The following DCT variants were observed in gnomAD, a reference collection of about 807,000 sequenced individuals.
DCT encodes dopachrome tautomerase.
DCT carries 47 observed loss-of-function variants against 53.0 expected under a neutral mutation model. The observed-to-expected ratio is 0.89, with a 90% confidence interval of 0.70 to 1.13. DCT has a LOEUF of 1.13. DCT is among the 50% of genes most tolerant of loss of function. The pLI, the probability that DCT is intolerant of heterozygous loss-of-function variation, is 0.00. For synonymous variants in DCT, 244 were observed against 237.0 expected (o/e 1.03, Z -0.27); for missense variants, 669 against 637.4 (o/e 1.05, Z -0.53).
At chr13:94,510,835 G>C in the DCT span, among the ~76,000 whole-genome samples, 2 of 152,116 alleles carry the variant, frequency 1.3e-5, no homozygotes, top group Non-Finnish European at 2.9e-5. Flanking sequence ...TTCCTCTCCT[G>C]GTGCTGCCTG....
chr13:94,502,935 G>A, the DCT span, among the ~76,000 whole-genome samples: 2 of 152,130 alleles, frequency 1.3e-5, no homozygotes, highest in Non-Finnish European at 2.9e-5. Flanking sequence ...TCATTGCAAG[G>A]AAAACCTGGT....
At chr13:94,487,264 T>A in the DCT span, among the ~76,000 whole-genome samples, 1 of 152,194 alleles carries the variant, frequency 6.6e-6, no homozygotes, top group Non-Finnish European at 1.5e-5. Flanking sequence ...ATCATACAGC[T>A]TAATAGTCTG....
upstream of DCT, among the ~76,000 whole-genome samples, chr13:94,482,772 A>G (rs61758409): frequency 0.049 from 7,434 of 152,294 alleles, 598 homozygotes; most frequent in African/African-American, 0.17. Context: ...TTGAATATAT[A>G]AAACACTTAG....
At chr13:94,486,088 C>T in the DCT span, among the ~76,000 whole-genome samples, 6 of 152,126 alleles carry the variant, frequency 3.9e-5, no homozygotes, top group African/African-American at 9.7e-5. Context: ...TGCCAGACCT[C>T]GGGTAACAAG....
At chr13:94,479,978 A>C (rs1391025342), upstream of DCT, among the ~76,000 whole-genome samples, 1 of 152,216 alleles carries the variant, frequency 6.6e-6, no homozygotes, top group Non-Finnish European at 1.5e-5. Flanking sequence ...CTTTACACAG[A>C]AGCTCACATT....
At chr13:94,456,749 C>A (rs1446324236) in intron 6 of DCT, among the ~76,000 whole-genome samples, 9 of 152,202 alleles carry the variant, frequency 5.9e-5, no homozygotes, top group Admixed American at 1.3e-4. Context: ...CCATGTGGTT[C>A]AATTACATTC....
chr13:94,518,338 G>A, the DCT span, among the ~76,000 whole-genome samples: 57 of 152,290 alleles, frequency 3.7e-4, 1 homozygote, highest in South Asian at 3.5e-3. Flanking sequence ...CCATGTTCTA[G>A]ACTATATGTA....
At chr13:94,470,074 CAAAAAGAAA>C (rs1205197683) in intron 1 of DCT, among the ~76,000 whole-genome samples, 3 of 143,018 alleles carry the variant, frequency 2.1e-5, no homozygotes, top group African/African-American at 7.8e-5. Flanking sequence ...GACTCTGTCT[CAAAAAGAAA>C]GAAAAGAAAG....
At chr13:94,547,984 A>AAATATATATATATATAT in the DCT span, among the ~76,000 whole-genome samples, 2 of 65,844 alleles carry the variant, frequency 3.0e-5, no homozygotes, top group Non-Finnish European at 4.5e-5. Flanking sequence ...AAAAAAAAAA[A>AAATATATATATATATAT]ATATATATAT....
the DCT span, among the ~76,000 whole-genome samples, chr13:94,511,682 C>G: frequency 6.6e-6 from 1 of 152,074 alleles, no homozygotes; most frequent in Non-Finnish European, 1.5e-5. Flanking sequence ...TCATTCAGGA[C>G]TCCCAGCTTG....
Position 94,443,657 on chromosome 13 carries a change from A to G in DCT, c.1180-20T>C. Reference sequence around the variant, plus strand: ...AAGAACCTGCAAAACAGTTGGACACAGCATTTAACATAAATCAGTCTGTTC... The same window carrying G: ...AAGAACCTGCAAAACAGTTGGACACGGCATTTAACATAAATCAGTCTGTTC... On this transcript the variant is annotated intron_variant, in intron 6 of 7. Coordinates refer to ENST00000377028, the MANE Select transcript of DCT (RefSeq NM_001922.5). 1 of 1,585,472 alleles carries G rather than the reference A, an allele frequency of 6.3e-7. No homozygotes were observed. Among genetic ancestry groups the G allele is most frequent in the Non-Finnish European group, 8.7e-7 (1 of 1,155,744 alleles).
upstream of DCT, among the ~76,000 whole-genome samples, chr13:94,482,722 A>T (rs1275131818): frequency 2.0e-5 from 3 of 152,246 alleles, no homozygotes; most frequent in African/African-American, 4.8e-5. Context: ...GGGCCTCATT[A>T]TTATAGTGAC....
chr13:94,493,981 G>A, the DCT span, among the ~76,000 whole-genome samples: 1 of 152,162 alleles, frequency 6.6e-6, no homozygotes. Flanking sequence ...CTCAATTTTT[G>A]TAAAGCTAAA....
the DCT span, among the ~76,000 whole-genome samples, chr13:94,488,575 G>A: frequency 8.2e-3 from 1,246 of 152,038 alleles, 14 homozygotes; most frequent in African/African-American, 0.028. Flanking sequence ...TTAGCCAGGC[G>A]TGGTGGTGCA....
upstream of DCT, among the ~76,000 whole-genome samples, chr13:94,482,523 C>T (rs1025206446): frequency 6.6e-6 from 1 of 152,162 alleles, no homozygotes; most frequent in Admixed American, 6.5e-5. Flanking sequence ...CTTCATAGCA[C>T]TTATCACCAT....
chr13:94,511,562 G>C, the DCT span, among the ~76,000 whole-genome samples: 1 of 152,102 alleles, frequency 6.6e-6, no homozygotes, highest in Admixed American at 6.5e-5. Flanking sequence ...GTTTCACCAT[G>C]TTGGCCAGGC....
chr13:94,476,469 C>CT (rs57154236), intron 1 of DCT, among the ~76,000 whole-genome samples: 7,447 of 111,022 alleles, frequency 0.067, 707 homozygotes, highest in African/African-American at 0.2. Context: ...TTGGCACTTT[C>CT]TTTTTTTTTT....
chr13:94,547,984 A>AAAAAAAATAT, the DCT span, among the ~76,000 whole-genome samples: 21 of 65,820 alleles, frequency 3.2e-4, no homozygotes, highest in African/African-American at 2.4e-3. Context: ...AAAAAAAAAA[A>AAAAAAAATAT]ATATATATAT....
chr13:94,443,367 A>C (rs901023619), intron 7 of DCT, 69 bp downstream of exon 7: 1 of 1,287,524 alleles, frequency 7.8e-7, no homozygotes, highest in African/African-American at 1.5e-5. Context: ...CATTATAAAG[A>C]AAGAAAGCAA....
Sources: allele counts gnomAD v4.1 joint callset (sites outside exome capture counted in the v4.1 genomes callset), GRCh38; gene constraint gnomAD v4.1.1; transcripts MANE v1.5; gene names NCBI Gene and HGNC (gene_info 2026-07-23, HGNC 2026-07-21).